Variants in ONECUT1 observed in about 807,000 individuals in gnomAD.
The protein encoded by ONECUT1 is one cut homeobox 1.
In ONECUT1, 12 loss-of-function variants were observed where a neutral mutation model predicts 25.6. The ratio of observed to expected loss-of-function variants is 0.47; its 90% confidence interval spans 0.30 to 0.76. The LOEUF (loss-of-function observed/expected upper bound fraction) is 0.76. Ranked by LOEUF, ONECUT1 falls within the 30% of genes least tolerant of loss-of-function variation. The pLI, the probability that ONECUT1 is intolerant of heterozygous loss-of-function variation, is 0.07. For missense variants in ONECUT1, 620 were observed against 651.2 expected (o/e 0.95, Z 0.52); for synonymous variants, 285 against 270.2 (o/e 1.05, Z -0.54).
intron 1 of ONECUT1, among the ~76,000 whole-genome samples, chr15:52,767,182 AG>A (rs1288706126): frequency 6.6e-6 from 1 of 152,178 alleles, no homozygotes; most frequent in East Asian, 1.9e-4. Context: ...GAGCCAGCAC[AG>A]GGCCCCATGA....
intron 1 of ONECUT1, chr15:52,780,602 G>A (rs1307253486): frequency 8.5e-6 from 13 of 1,535,336 alleles, no homozygotes; most frequent in Middle Eastern, 1.7e-4. Flanking sequence ...TTGCCTTAAT[G>A]AACGATTTTT....
chr15:52,788,680 G>A lies in ONECUT1; in HGVS notation c.1105+100C>T. 1.5e-6 allele frequency: 2 copies of A among 1,329,076 alleles called. No individual in the cohort carries two copies. Among genetic ancestry groups the A allele is most frequent in the Non-Finnish European group, 2.1e-6 (2 of 972,354 alleles). The allele number at this position is 1,329,076 out of a possible 1,614,324, so 82.3% of individuals were successfully genotyped here. A position where few individuals can be genotyped will look rare whatever the true frequency, so the allele number is the denominator to read the frequency against. ...CCCTTCTAGGGGTAGGGGCGGGCGG[G>A]ATGAAGCGCACCCAGCCCTCTCTCC... On this transcript the variant is annotated intron_variant, in intron 1 of 1. Coordinates refer to ENST00000305901, the MANE Select transcript of ONECUT1 (RefSeq NM_004498.4). This position sits in a 1 kb window ranked among gnomAD's most constrained non-coding sequence, Gnocchi z 4.3.
intron 1 of ONECUT1, among the ~76,000 whole-genome samples, chr15:52,776,318 T>C (rs909306529): frequency 2.0e-5 from 3 of 152,208 alleles, no homozygotes; most frequent in Admixed American, 6.5e-5. Context: ...GCTAAAGGTA[T>C]ATCCAAGCAC....
chr15:52,774,999 G>A (rs2083790614), intron 1 of ONECUT1, among the ~76,000 whole-genome samples: 1 of 152,134 alleles, frequency 6.6e-6, no homozygotes, highest in Non-Finnish European at 1.5e-5. Context: ...AGACCAGCCT[G>A]GCTAACATGG....
At chr15:52,780,766 G>T in intron 1 of ONECUT1, 1 of 1,425,986 alleles carries the variant, frequency 7.0e-7, no homozygotes, top group Non-Finnish European at 9.2e-7. Flanking sequence ...CAACAGGAAA[G>T]AAAGCAAAAA....
At chr15:52,770,785 C>A (rs760220797) in intron 1 of ONECUT1, among the ~76,000 whole-genome samples, 2 of 152,138 alleles carry the variant, frequency 1.3e-5, no homozygotes, top group Non-Finnish European at 1.5e-5. Context: ...GTAAAATACA[C>A]AATAATTTCT....
chr15:52,758,805 A>G lies in ONECUT1; in HGVS notation c.1106-958T>C, dbSNP rs1332838279. Among the ~76,000 whole-genome samples the G allele has an allele frequency of 2.6e-5, 4 of 152,144 alleles. No homozygotes were observed. The East Asian group carries it at 5.8e-4, about 22-fold the overall frequency. The stretch of plus-strand genomic sequence containing the variant: ...AGGGTCTCTCCTGATTTTAGATGCC[A>G]TAAGTCTCTTTCCACCCTAATGAGG... On this transcript the variant is annotated intron_variant, in intron 1 of 1. Transcript: ENST00000305901.
intron 1 of ONECUT1, among the ~76,000 whole-genome samples, chr15:52,766,264 T>C (rs893815278): frequency 2.7e-5 from 4 of 150,242 alleles, no homozygotes; most frequent in Non-Finnish European, 5.9e-5. Context: ...GGTGAAACCC[T>C]GTCAGAGAGG....
At chr15:52,769,838 C>A (rs2141452344) in intron 1 of ONECUT1, among the ~76,000 whole-genome samples, 1 of 152,260 alleles carries the variant, frequency 6.6e-6, no homozygotes, top group Non-Finnish European at 1.5e-5. Flanking sequence ...GTGACTGGTC[C>A]ATATTTGCCT....
rs1402130601 is a variant in ONECUT1, at chr15:52,777,733, C to CA, written c.1105+11046dup. On this transcript the variant is annotated intron_variant, in intron 1 of 1. Coordinates refer to ENST00000305901, the MANE Select transcript of ONECUT1 (RefSeq NM_004498.4). ...ACACACACACACACACACACACACA[C>CA]ACACAAAAAAACATGTAAAGTTATT... Among the ~76,000 whole-genome samples, 15 of 85,254 alleles carry CA rather than the reference C, an allele frequency of 1.8e-4. 1 individual carries two copies. In the East Asian group the frequency reaches 2.1e-3, roughly 12 times the overall value. The allele number at this position is 85,254 out of a possible 152,430, so 55.9% of individuals were successfully genotyped here.
At chr15:52,785,730 C>T (rs2083870533) in intron 1 of ONECUT1, 1 of 152,318 alleles carries the variant, frequency 6.6e-6, no homozygotes, top group South Asian at 2.1e-4. Context: ...AACCCTGTCG[C>T]TCTGCTCTTT....
In ONECUT1 at chr15:52,757,429, A is replaced by T. The variant is rs898347884; in HGVS notation, c.*126T>A. 9.6e-5 allele frequency: 108 copies of T among 1,123,754 alleles called. No individual in the cohort carries two copies. The highest frequency in any genetic ancestry group is 1.3e-4 in the Non-Finnish European group (107 of 798,380). The allele number at this position is 1,123,754 out of a possible 1,614,324, so 69.6% of individuals were successfully genotyped here. ...GCTAAGTCTTTGGTTTCTTTGGACT[A>T]TAAATAACGCTTTTTTTTCTTCAAA... On this transcript the variant is annotated 3_prime_UTR_variant, in exon 2 of 2. Coordinates refer to ENST00000305901, the MANE Select transcript of ONECUT1 (RefSeq NM_004498.4).
rs1429678526 is a variant in ONECUT1 at position 52,790,066 on chromosome 15, C to T, written c.-182G>A. 2.2e-5 allele frequency: 15 copies of T among 697,530 alleles called. No homozygotes were observed. Among genetic ancestry groups the T allele is most frequent in the Non-Finnish European group, 1.4e-5 (7 of 501,268 alleles). 43.2% of individuals were successfully genotyped at this position (697,530 alleles called of 1,614,324 possible). A position where few individuals can be genotyped will look rare whatever the true frequency, so the allele number is the denominator to read the frequency against. On this transcript the variant is annotated 5_prime_UTR_variant, in exon 1 of 2. Coordinates refer to ENST00000305901, the MANE Select transcript of ONECUT1 (RefSeq NM_004498.4). ...GTGTGTGTGTCCGTGTGTGCGTGTG[C>T]GTGTGTGTGTGTGTGTGTGTCTCGC...
Position 52,788,632 on chromosome 15 carries a change from G to A in ONECUT1, c.1105+148C>T. ...AATTTGCTCCCACAGCCCTGTGCTG[G>A]CCCTTCCAGGCACAGGGAGTCCCCC... On this transcript the variant is annotated intron_variant, in intron 1 of 1. Transcript: ENST00000305901. This position sits in a 1 kb window ranked among gnomAD's most constrained non-coding sequence, Gnocchi z 4.3. 1 of 833,078 alleles carries A rather than the reference G, an allele frequency of 1.2e-6. No individual in the cohort carries two copies. The highest frequency in any genetic ancestry group is 1.8e-5 in the South Asian group (1 of 56,402). 51.6% of individuals were successfully genotyped at this position (833,078 alleles called of 1,614,324 possible).
intron 1 of ONECUT1, among the ~76,000 whole-genome samples, chr15:52,785,448 C>A (rs985539894): frequency 6.6e-6 from 1 of 152,176 alleles, no homozygotes. Flanking sequence ...GAGGTTTCCT[C>A]GCCTCCAAGT....
intron 1 of ONECUT1, among the ~76,000 whole-genome samples, chr15:52,775,899 C>G (rs2083796824): frequency 6.6e-6 from 1 of 152,222 alleles, no homozygotes; most frequent in South Asian, 2.1e-4. Flanking sequence ...CTCTGCTGTT[C>G]TCTTTGTTTA....
At position 52,784,154 on chromosome 15, in the gene ONECUT1, G is replaced by T. The variant is rs1336629237; in HGVS notation, c.1105+4626C>A. On this transcript the variant is annotated intron_variant, in intron 1 of 1. Transcript: ENST00000305901. The surrounding 1 kb of genome is among the most constrained non-coding windows in gnomAD (Gnocchi z 5.0). ...CAGAAAGGGAGCCGAATGGAGGGAAGCAGGGAGCGCGGAGGGCTCGAGGCT... is the reference window on the plus strand; with the variant it reads ...CAGAAAGGGAGCCGAATGGAGGGAATCAGGGAGCGCGGAGGGCTCGAGGCT... 6.6e-6 allele frequency among the ~76,000 whole-genome samples: 1 copy of T among 152,218 alleles called. No homozygotes were observed. The highest frequency in any genetic ancestry group is 1.5e-5 in the Non-Finnish European group (1 of 68,032).
At chr15:52,773,650 A>T (rs1334123191) in intron 1 of ONECUT1, among the ~76,000 whole-genome samples, 1 of 152,170 alleles carries the variant, frequency 6.6e-6, no homozygotes, top group Non-Finnish European at 1.5e-5. Context: ...GGCACATTCT[A>T]GGATTGGGGC....
intron 1 of ONECUT1, among the ~76,000 whole-genome samples, chr15:52,770,605 T>C (rs2083761282): frequency 6.6e-6 from 1 of 152,154 alleles, no homozygotes; most frequent in Admixed American, 6.5e-5. Context: ...GGGCGGCTTG[T>C]TCACAATGCA....
Sources: allele counts gnomAD v4.1 joint callset (sites outside exome capture counted in the v4.1 genomes callset), GRCh38; gene constraint gnomAD v4.1.1; non-coding constraint Gnocchi (gnomAD v3.1); transcripts MANE v1.5; gene names NCBI Gene and HGNC (gene_info 2026-07-23, HGNC 2026-07-21).